Variants in SMC6 observed in about 807,000 individuals in gnomAD.
The protein encoded by SMC6 is structural maintenance of chromosomes protein 6.
A neutral mutation model predicts 142.2 loss-of-function variants in SMC6; 79 were observed. The observed-to-expected ratio is 0.56, with a 90% CI of 0.46 to 0.67. The LOEUF is 0.67. Among genes scored for constraint, SMC6 ranks in the 30% least tolerant of loss-of-function variants. The probability of loss-of-function intolerance (pLI) is 0.00; values close to 1 mark genes in which losing one functional copy is unlikely to be tolerated. For synonymous variants in SMC6, 411 were observed against 412.4 expected (o/e 1.00, Z 0.04); for missense variants, 1,072 against 1,284.0 (o/e 0.83, Z 2.52).
In SMC6 at chr2:17,716,908, A is replaced by T; in HGVS notation, c.1182-3T>A. ...CAGGTTCCAAAGATTGGTCAGTACT[A>T]ACAGTAAATAACCCAAAGTGAAAAA... On this transcript the variant is annotated splice_polypyrimidine_tract_variant and splice_region_variant and intron_variant, in intron 13 of 27. Transcript: ENST00000448223. 6.3e-7 allele frequency: 1 copy of T among 1,595,270 alleles called. No homozygotes were observed. Among genetic ancestry groups the T allele is most frequent in the Non-Finnish European group, 8.5e-7 (1 of 1,174,354 alleles).
intron 21 of SMC6, among the ~76,000 whole-genome samples, chr2:17,696,889 T>C (rs980464639): frequency 1.1e-4 from 17 of 151,984 alleles, no homozygotes; most frequent in African/African-American, 3.9e-4. Flanking sequence ...TATCCCAAGA[T>C]CACTTTAAAA....
rs570238379 is a variant in SMC6, at chr2:17,732,053, T to C, written c.345-176A>G. On this transcript the variant is annotated intron_variant, in intron 5 of 27. Transcript: ENST00000448223. ...CACTACAGCATAACGTTAACGATAC[T>C]GTGCCTAACAAAAAAATAAAGTTGA... 9.8e-5 allele frequency among the ~76,000 whole-genome samples: 15 copies of C among 152,338 alleles called. No individual in the cohort carries two copies. In the South Asian group the frequency reaches 3.1e-3, roughly 32 times the overall value.
At chr2:17,722,164 C>A (rs1271646346) in intron 9 of SMC6, among the ~76,000 whole-genome samples, 1 of 151,914 alleles carries the variant, frequency 6.6e-6, no homozygotes, top group Non-Finnish European at 1.5e-5. Flanking sequence ...TACACCCTGC[C>A]ACCATATTCC....
chr2:17,731,214 A>T, intron 6 of SMC6, 75 bp from the exon 7 acceptor site: 3 of 977,052 alleles, frequency 3.1e-6, no homozygotes, highest in Non-Finnish European at 4.8e-6. Flanking sequence ...AGTTACTTAC[A>T]AAATATAAAT....
chr2:17,684,517 C>A (rs1667362506), intron 23 of SMC6, among the ~76,000 whole-genome samples: 1 of 152,108 alleles, frequency 6.6e-6, no homozygotes. Context: ...TATAATTGAA[C>A]ACCATAAATT....
intron 23 of SMC6, among the ~76,000 whole-genome samples, chr2:17,693,165 T>C (rs1667811839): frequency 6.6e-6 from 1 of 152,148 alleles, no homozygotes; most frequent in African/African-American, 2.4e-5. Flanking sequence ...CTAAGGGATC[T>C]AGAAATACCA....
rs113225817 is a variant in SMC6, at chr2:17,745,887, T to C, written c.60A>G (p.Gln20=). The C allele has an allele frequency of 6.2e-6, 10 of 1,613,124 alleles. No homozygotes were observed. Among genetic ancestry groups the C allele is most frequent in the Non-Finnish European group, 7.6e-6 (9 of 1,179,584 alleles). The stretch of plus-strand genomic sequence containing the variant: ...CTTTATCAAAATCCTCCAATTCTTC[T>C]TGTCTTGGCCTTTTGGCATTTTTAG... ...SSPKNAKRPR[Q]EELEDFDKDG... is the part of the protein sequence containing the mutation. Residue 20 remains glutamine, a synonymous_variant, in exon 3 of 28, where the codon CAA becomes CAG. Coordinates refer to ENST00000448223, the MANE Select transcript of SMC6 (RefSeq NM_001142286.2).
intron 5 of SMC6, among the ~76,000 whole-genome samples, chr2:17,733,202 C>T (rs1281977066): frequency 6.6e-6 from 1 of 152,136 alleles, no homozygotes; most frequent in Admixed American, 6.5e-5. Flanking sequence ...AGAAATACTC[C>T]AGATGAGCTT....
intron 23 of SMC6, among the ~76,000 whole-genome samples, chr2:17,689,669 C>T (rs1281983132): frequency 6.6e-6 from 1 of 152,108 alleles, no homozygotes; most frequent in Non-Finnish European, 1.5e-5. Context: ...GATCCAGGGC[C>T]CCCTGGGCAG....
At chr2:17,684,983 C>T (rs79970872) in intron 23 of SMC6, among the ~76,000 whole-genome samples, 2,752 of 151,762 alleles carry the variant, frequency 0.018, 53 homozygotes, top group African/African-American at 0.047. Flanking sequence ...AACCCACAGA[C>T]GGGAAGGTAG....
intron 18 of SMC6, among the ~76,000 whole-genome samples, chr2:17,704,285 A>C (rs989441829): frequency 3.8e-4 from 58 of 152,232 alleles, no homozygotes; most frequent in African/African-American, 1.3e-3. Context: ...AAAAAGGCAC[A>C]GAGAGTGATT....
chr2:17,711,546 T>A (rs1668825718), intron 16 of SMC6, among the ~76,000 whole-genome samples: 1 of 152,166 alleles, frequency 6.6e-6, no homozygotes, highest in South Asian at 2.1e-4. Context: ...TAAAAAGATG[T>A]GATTTCTAAA....
At chr2:17,702,135 T>C (rs1288990910) in intron 19 of SMC6, among the ~76,000 whole-genome samples, 4 of 152,174 alleles carry the variant, frequency 2.6e-5, no homozygotes, top group Non-Finnish European at 5.9e-5. Context: ...ATGTAAGTAA[T>C]CCATCTTAGC....
At chr2:17,730,111 C>T (rs936683996) in intron 7 of SMC6, among the ~76,000 whole-genome samples, 2 of 152,178 alleles carry the variant, frequency 1.3e-5, no homozygotes, top group Admixed American at 6.5e-5. Flanking sequence ...CCAGTAACCA[C>T]GTCTAGACAG....
chr2:17,675,632 A>G (rs1190603978), intron 25 of SMC6, among the ~76,000 whole-genome samples: 3 of 152,130 alleles, frequency 2.0e-5, no homozygotes, highest in Non-Finnish European at 2.9e-5. Context: ...AATTCTAGAT[A>G]TCAGTTTTTA....
At chr2:17,685,351 G>A (rs1667405086) in intron 23 of SMC6, among the ~76,000 whole-genome samples, 1 of 149,906 alleles carries the variant, frequency 6.7e-6, no homozygotes. Flanking sequence ...ATAAGTTACA[G>A]GACATAATAG....
At chr2:17,740,801 G>A in intron 4 of SMC6, 1 of 400,058 alleles carries the variant, frequency 2.5e-6, no homozygotes, top group Non-Finnish European at 4.9e-6. Context: ...ATTGAGCCGA[G>A]ATCGCACCAC....
chr2:17,676,647 C>G (rs1667005761), intron 25 of SMC6, among the ~76,000 whole-genome samples: 1 of 152,088 alleles, frequency 6.6e-6, no homozygotes, highest in Non-Finnish European at 1.5e-5. Flanking sequence ...GAAGAACTTA[C>G]TTCTTAATAA....
chr2:17,705,824 G>A (rs1357666216), intron 18 of SMC6, among the ~76,000 whole-genome samples: 1 of 151,936 alleles, frequency 6.6e-6, no homozygotes, highest in East Asian at 1.9e-4. Flanking sequence ...TTTACATAGA[G>A]AACATGTTAC....
Sources: gnomAD v4.1 joint callset for allele counts (sites outside exome capture counted in the v4.1 genomes callset) on GRCh38, gnomAD v4.1.1 for gene constraint, MANE v1.5 for transcripts, NCBI Gene and HGNC (gene_info 2026-07-23, HGNC 2026-07-21) for gene names.